The following C6orf118 variants were observed in gnomAD, a reference collection of about 807,000 sequenced individuals.
C6orf118 encodes the protein chromosome 6 open reading frame 118, also known as uncharacterized protein C6orf118.
A neutral mutation model predicts 50.2 loss-of-function variants in C6orf118; 50 were observed. That is an observed-to-expected ratio of 1.00 (90% confidence interval 0.79 to 1.26). The LOEUF is 1.26. Among genes scored for constraint, C6orf118 ranks in the 50% most tolerant of loss-of-function variants. The pLI is 0.00. For synonymous variants in C6orf118, 239 were observed against 230.9 expected (o/e 1.03, Z -0.32); for missense variants, 641 against 578.7 (o/e 1.11, Z -1.10).
intron 7 of C6orf118, among the ~76,000 whole-genome samples, chr6:165,287,671 C>A (rs1315156281): frequency 1.3e-5 from 2 of 152,150 alleles, no homozygotes; most frequent in Non-Finnish European, 2.9e-5. Flanking sequence ...CTGACAAAAA[C>A]AAGCAATGGG....
Position 165,309,554 on chromosome 6 carries a change from C to T in C6orf118, c.25+8G>A, listed in dbSNP as rs1466748563. On this transcript the variant is annotated splice_region_variant and intron_variant, in intron 1 of 8. Transcript: ENST00000230301. ...ACAAGCCAGCAAGAGCCGCTCCAGG[C>T]CACTTACATTCAGGCTCCCGCTCCT... The T allele has an allele frequency of 1.2e-6, 2 of 1,614,188 alleles. No individual in the cohort carries two copies. The highest frequency in any genetic ancestry group is 1.7e-6 in the Non-Finnish European group (2 of 1,180,018).
rs1780575568 is a variant in C6orf118 at position 165,302,117 on chromosome 6, GC to G, written c.204del (p.Lys68AsnfsTer38). ...AAGATCGTCTCCGGAGGCTGGTAGA[GC>G]TTGTTGGGGTTCAGGTGTCCAGAGA... ...LYISGHLNPN[K>X]LYQPPETILQ... On this transcript the variant is annotated frameshift_variant, in exon 2 of 9. Coordinates refer to ENST00000230301, the MANE Select transcript of C6orf118 (RefSeq NM_144980.4). LOFTEE classifies it high-confidence loss of function. 1 of 1,613,974 alleles carries G rather than the reference GC, an allele frequency of 6.2e-7. No individual in the cohort carries two copies. Among genetic ancestry groups the G allele is most frequent in the African/African-American group, 1.3e-5 (1 of 74,894 alleles).
At chr6:165,299,119 C>G (rs1417546478) in intron 4 of C6orf118, among the ~76,000 whole-genome samples, 1 of 152,212 alleles carries the variant, frequency 6.6e-6, no homozygotes, top group Non-Finnish European at 1.5e-5. Flanking sequence ...ACAATGCATT[C>G]TCAGTGATTT....
intron 5 of C6orf118, among the ~76,000 whole-genome samples, chr6:165,295,326 A>T (rs1768459525): frequency 6.6e-6 from 1 of 151,940 alleles, no homozygotes; most frequent in Non-Finnish European, 1.5e-5. Flanking sequence ...TTAGTTTTTA[A>T]ATTTATGACT....
Position 165,301,864 on chromosome 6 carries a change from C to CT in C6orf118, c.457dup (p.Arg153LysfsTer83). Reference sequence around the variant, plus strand: ...TCCTTTCTTTTCTTCCTTCCCCTCTCTGACAGCCTCCACTGGAAGGAAATC... The same window carrying CT: ...TCCTTTCTTTTCTTCCTTCCCCTCTCTTGACAGCCTCCACTGGAAGGAAATC... On this transcript the variant is annotated frameshift_variant, in exon 2 of 9. Transcript: ENST00000230301. LOFTEE classifies it high-confidence loss of function. 1 of 1,613,850 alleles carries CT rather than the reference C, an allele frequency of 6.2e-7. No homozygotes were observed.
At chr6:165,299,715 A>G (rs2128162429) in intron 3 of C6orf118, among the ~76,000 whole-genome samples, 1 of 152,374 alleles carries the variant, frequency 6.6e-6, no homozygotes, top group East Asian at 1.9e-4. Flanking sequence ...AGTATTGATT[A>G]CCTCAGAATA....
Position 165,301,631 on chromosome 6 carries a change from G to T in C6orf118, c.691C>A (p.Leu231Ile), listed in dbSNP as rs1470334743. 51 of 1,614,020 alleles carry T rather than the reference G, an allele frequency of 3.2e-5. No individual in the cohort carries two copies. Among genetic ancestry groups the T allele is most frequent in the Non-Finnish European group, 3.8e-5 (45 of 1,180,038 alleles). ...FQKEVLAKQDLLKNDFTGSKA... is the reference protein window; with the variant it reads ...FQKEVLAKQDILKNDFTGSKA... ...CTCCCAGTGAAGTCATTCTTCAGGA[G>T]ATCTTGCTTGGCGAGCACTTCCTTC... The change falls in exon 2 of 9, where the codon CTC becomes ATC. Residue 231 changes from leucine (L) to isoleucine (I), a missense_variant. Coordinates refer to ENST00000230301, the MANE Select transcript of C6orf118 (RefSeq NM_144980.4).
At chr6:165,283,464 G>C (rs542740843) in intron 7 of C6orf118, among the ~76,000 whole-genome samples, 1 of 152,332 alleles carries the variant, frequency 6.6e-6, no homozygotes, top group African/African-American at 2.4e-5. Flanking sequence ...CAAGCGCAGT[G>C]CACCTGCTCC....
At chr6:165,289,096 CAG>C (rs1780017485) in intron 7 of C6orf118, among the ~76,000 whole-genome samples, 1 of 150,610 alleles carries the variant, frequency 6.6e-6, no homozygotes, top group Admixed American at 6.6e-5. Flanking sequence ...TCTTCTAAAA[CAG>C]GGGTCAAAAA....
chr6:165,297,007 T>A (rs1780333675), intron 5 of C6orf118, among the ~76,000 whole-genome samples: 1 of 152,138 alleles, frequency 6.6e-6, no homozygotes, highest in Admixed American at 6.5e-5. Flanking sequence ...ACATTAAGCC[T>A]GAAGGCCAGG....
chr6:165,281,809 C>T (rs746254940), intron 7 of C6orf118, 116 bp from the exon 8 acceptor site: 50 of 532,396 alleles, frequency 9.4e-5, no homozygotes, highest in Non-Finnish European at 1.5e-4. Context: ...TACTCAATAG[C>T]ACATTACTTA....
At chr6:165,306,878 G>A (rs1583031107) in intron 1 of C6orf118, among the ~76,000 whole-genome samples, 1 of 151,998 alleles carries the variant, frequency 6.6e-6, no homozygotes, top group Non-Finnish European at 1.5e-5. Flanking sequence ...CCCCATCGTG[G>A]CAATAAATAT....
chr6:165,292,614 G>C (rs1168523566), intron 6 of C6orf118, among the ~76,000 whole-genome samples: 1 of 152,168 alleles, frequency 6.6e-6, no homozygotes, highest in Admixed American at 6.5e-5. Context: ...TCACGTCTGT[G>C]AGAGGAACTC....
At position 165,301,929 on chromosome 6, in the gene C6orf118, G is replaced by C. The variant is rs1231522073; in HGVS notation, c.393C>G (p.Tyr131Ter). The change falls in exon 2 of 9, where the codon TAC becomes TAG. Residue 131 changes from tyrosine (Y) to a stop codon, truncating the protein, a stop_gained. Coordinates refer to ENST00000230301, the MANE Select transcript of C6orf118 (RefSeq NM_144980.4). LOFTEE classifies it high-confidence loss of function. ...GGGAAAGAGAGGCCTGGGGGTTCAG[G>C]TACCTGAACAGCGGGGTGTCCTGGG... ...SEAQDTPLFR[Y>*]LNPQASLSHT... is the part of the protein sequence containing the mutation. 6.2e-7 allele frequency: 1 copy of C among 1,613,896 alleles called. No homozygotes were observed. Among genetic ancestry groups the C allele is most frequent in the East Asian group, 2.2e-5 (1 of 44,858 alleles).
intron 8 of C6orf118, 125 bp downstream of exon 8, chr6:165,281,515 G>T (rs1458105621): frequency 4.2e-5 from 60 of 1,420,090 alleles, no homozygotes; most frequent in Admixed American, 7.1e-5. Flanking sequence ...CCTATGATCT[G>T]CTTCACATGG....
At chr6:165,297,736 G>C (rs1283146732) in intron 5 of C6orf118, among the ~76,000 whole-genome samples, 1 of 152,158 alleles carries the variant, frequency 6.6e-6, no homozygotes, top group Non-Finnish European at 1.5e-5. Context: ...CACCAGAAAA[G>C]ACAGGCAATT....
At chr6:165,293,515 T>C in intron 5 of C6orf118, 44 bp from the exon 6 acceptor site, 1 of 1,533,530 alleles carries the variant, frequency 6.5e-7, no homozygotes, top group South Asian at 1.1e-5. Context: ...AGATCCCCAT[T>C]ATATCTTTTG....
chr6:165,299,903 T>C (rs1419077291), intron 3 of C6orf118, among the ~76,000 whole-genome samples: 1 of 152,138 alleles, frequency 6.6e-6, no homozygotes, highest in African/African-American at 2.4e-5. Flanking sequence ...AGGCTGGTCT[T>C]GAACTCCTGA....
At chr6:165,308,465 A>G (rs1436629570) in intron 1 of C6orf118, among the ~76,000 whole-genome samples, 7 of 152,024 alleles carry the variant, frequency 4.6e-5, no homozygotes, top group South Asian at 2.1e-4. Flanking sequence ...ACAACCCACA[A>G]TTCCCCCACC....
Sources: gnomAD v4.1 joint callset for allele counts (sites outside exome capture counted in the v4.1 genomes callset) on GRCh38, gnomAD v4.1.1 for gene constraint, MANE v1.5 for transcripts, NCBI Gene and HGNC (gene_info 2026-07-23, HGNC 2026-07-21) for gene names.